RALGPS2: variants seen among roughly 807,000 people sequenced by gnomAD.
The protein encoded by RALGPS2 is Ral GEF with PH domain and SH3 binding motif 2.
Under a neutral mutation model 86.8 loss-of-function variants are expected in RALGPS2, and 43 were observed. That is an observed-to-expected ratio of 0.50 (90% confidence interval 0.39 to 0.64). RALGPS2 has a LOEUF of 0.64. RALGPS2 is among the 30% of genes least tolerant of loss of function. RALGPS2 has a pLI of 0.00. For synonymous variants in RALGPS2, 243 were observed against 231.3 expected, an observed-to-expected ratio of 1.05 and a Z score of -0.46; for missense variants, 536 against 694.6, an observed-to-expected ratio of 0.77 and a Z score of 2.57.
intron 8 of RALGPS2, among the ~76,000 whole-genome samples, chr1:178,845,645 C>T (rs1430506889): frequency 6.6e-6 from 1 of 152,132 alleles, no homozygotes; most frequent in Non-Finnish European, 1.5e-5. Context: ...ATTTGTGTGG[C>T]ATATTTGCAT....
intron 17 of RALGPS2, 110 bp downstream of exon 17, chr1:178,897,866 C>T: frequency 3.8e-6 from 3 of 786,880 alleles, no homozygotes; most frequent in Middle Eastern, 2.6e-4. Flanking sequence ...CTTGTTTTTT[C>T]CTATCTTCTA....
intron 8 of RALGPS2, chr1:178,853,030 A>C: frequency 6.6e-7 from 1 of 1,507,228 alleles, no homozygotes. Flanking sequence ...AGTGTTAAAC[A>C]TTCGATAGCA....
intron 1 of RALGPS2, among the ~76,000 whole-genome samples, chr1:178,750,681 T>TTTTGATGTTAATAATA (rs1329674452): frequency 6.6e-6 from 1 of 152,242 alleles, no homozygotes; most frequent in Non-Finnish European, 1.5e-5. Flanking sequence ...TGTTCGTATT[T>TTTTGATGTTAATAATA]ATAATTTCTT....
At chr1:178,867,846 A>G (rs998988833) in intron 8 of RALGPS2, among the ~76,000 whole-genome samples, 1 of 151,806 alleles carries the variant, frequency 6.6e-6, no homozygotes, top group African/African-American at 2.4e-5. Context: ...TGTCAATGAA[A>G]TATAACTCTT....
At chr1:178,832,780 CTTT>C (rs961949623) in intron 7 of RALGPS2, among the ~76,000 whole-genome samples, 2 of 140,446 alleles carry the variant, frequency 1.4e-5, no homozygotes, top group Admixed American at 1.4e-4. Flanking sequence ...ACTGACTTTG[CTTT>C]TTTTTTTTTC....
intron 10 of RALGPS2, 135 bp downstream of exon 10, chr1:178,879,127 A>G: frequency 1.6e-6 from 2 of 1,249,774 alleles, no homozygotes; most frequent in Non-Finnish European, 2.1e-6. Flanking sequence ...CAGTAAAGGT[A>G]CTAACATGTA....
chr1:178,771,423 C>T (rs1256986250), intron 1 of RALGPS2, among the ~76,000 whole-genome samples: 1 of 152,120 alleles, frequency 6.6e-6, no homozygotes, highest in African/African-American at 2.4e-5. Context: ...TTATGGGTTC[C>T]CAGCTCAACT....
intron 8 of RALGPS2, among the ~76,000 whole-genome samples, chr1:178,834,774 T>C (rs1041933436): frequency 3.9e-5 from 6 of 152,114 alleles, no homozygotes; most frequent in Non-Finnish European, 5.9e-5. Flanking sequence ...CATTGTTTGT[T>C]TTGTTTTGTT....
intron 5 of RALGPS2, 142 bp downstream of exon 5, chr1:178,808,270 T>G: frequency 1.6e-6 from 1 of 635,944 alleles, no homozygotes; most frequent in Non-Finnish European, 2.8e-6. Context: ...GTGCATGATC[T>G]CTTTTTTTCT....
chr1:178,874,911 C>T (rs939564976), intron 8 of RALGPS2, among the ~76,000 whole-genome samples: 7 of 152,014 alleles, frequency 4.6e-5, no homozygotes, highest in African/African-American at 1.4e-4. Context: ...CCACCGTTCC[C>T]GGCAATAATT....
At chr1:178,912,302 GTGTT>G (rs1299434644) in intron 19 of RALGPS2, among the ~76,000 whole-genome samples, 1 of 152,176 alleles carries the variant, frequency 6.6e-6, no homozygotes, top group Non-Finnish European at 1.5e-5. Flanking sequence ...ATACTTAAGT[GTGTT>G]TTTGTGGTGG....
intron 6 of RALGPS2, among the ~76,000 whole-genome samples, chr1:178,813,691 T>G (rs752282867): frequency 2.5e-4 from 38 of 152,232 alleles, no homozygotes; most frequent in Non-Finnish European, 5.1e-4. Flanking sequence ...GTATGAAATC[T>G]GTAGGGTAGG....
chr1:178,730,942 C>T (rs930107633), intron 1 of RALGPS2, among the ~76,000 whole-genome samples: 2 of 152,112 alleles, frequency 1.3e-5, no homozygotes, highest in Admixed American at 6.5e-5. Flanking sequence ...AAGTGATTCG[C>T]CCACCTCAGG....
At chr1:178,729,909 T>G (rs972745309) in intron 1 of RALGPS2, among the ~76,000 whole-genome samples, 1 of 152,214 alleles carries the variant, frequency 6.6e-6, no homozygotes, top group Admixed American at 6.5e-5. Flanking sequence ...TTAAAAATTA[T>G]ATACTTTTAC....
intron 1 of RALGPS2, chr1:178,753,617 G>A (rs1010267611): frequency 1.3e-5 from 2 of 152,040 alleles, no homozygotes; most frequent in Non-Finnish European, 2.9e-5. Context: ...TAAAATTTAT[G>A]TTGTAGCGTA....
At chr1:178,869,883 C>T (rs1658643633) in intron 8 of RALGPS2, among the ~76,000 whole-genome samples, 1 of 151,962 alleles carries the variant, frequency 6.6e-6, no homozygotes, top group African/African-American at 2.4e-5. Flanking sequence ...AAAAAGCTCC[C>T]AGATAGAATA....
chr1:178,859,838 G>A (rs530553782), intron 8 of RALGPS2, among the ~76,000 whole-genome samples: 338 of 8,250 alleles, frequency 0.041, 4 homozygotes, highest in African/African-American at 0.13. Context: ...CCCCCCAACC[G>A]CCCAAGTAGC....
intron 8 of RALGPS2, among the ~76,000 whole-genome samples, chr1:178,860,165 C>T (rs764639057): frequency 1.1e-4 from 16 of 151,434 alleles, no homozygotes; most frequent in South Asian, 1.0e-3. Context: ...TTTATAAATA[C>T]GCTATTTGTA....
At chr1:178,838,444 C>G (rs2102261408) in intron 8 of RALGPS2, among the ~76,000 whole-genome samples, 1 of 152,222 alleles carries the variant, frequency 6.6e-6, no homozygotes, top group East Asian at 1.9e-4. Flanking sequence ...CAAACTCCAA[C>G]AGACCTGCAG....
Sources: allele counts gnomAD v4.1 joint callset (sites outside exome capture counted in the v4.1 genomes callset), GRCh38; gene constraint gnomAD v4.1.1; transcripts MANE v1.5; gene names NCBI Gene and HGNC (gene_info 2026-07-23, HGNC 2026-07-21).